The following GPR137 variants were observed in gnomAD, a reference collection of about 807,000 sequenced individuals.
The protein encoded by GPR137 is G protein-coupled receptor 137.
In GPR137, 20 loss-of-function variants were observed where a neutral mutation model predicts 38.9. The observed-to-expected ratio is 0.51, with a 90% CI of 0.36 to 0.75. The LOEUF (loss-of-function observed/expected upper bound fraction) is 0.75. GPR137 is among the 30% of genes least tolerant of loss of function. The pLI, the probability that GPR137 is intolerant of heterozygous loss-of-function variation, is 0.00. For missense variants in GPR137, 456 were observed against 526.4 expected, an observed-to-expected ratio of 0.87 and a Z score of 1.31; for synonymous variants, 226 against 235.8, an observed-to-expected ratio of 0.96 and a Z score of 0.38.
chr11:64,284,684 C>T (rs1391360919), upstream of GPR137: 13 of 1,535,680 alleles, frequency 8.5e-6, no homozygotes, highest in Non-Finnish European at 1.1e-5. Flanking sequence ...CCTCCAGCAC[C>T]CCGGGCTCCG....
At chr11:64,284,419 CA>C (rs771524361), upstream of GPR137, 17 of 1,608,792 alleles carry the variant, frequency 1.1e-5, no homozygotes, top group East Asian at 3.6e-4. Flanking sequence ...CAGCTGGGGC[CA>C]ACGGTGGCCC....
At chr11:64,270,680 AG>A (rs1266179209) in intron 1 of GPR137, 1 of 548,586 alleles carries the variant, frequency 1.8e-6, no homozygotes, top group East Asian at 4.5e-5. Context: ...CTGTAATCCC[AG>A]CACTTTGGGA....
Position 64,288,072 on chromosome 11 carries a change from G to A in GPR137, c.641G>A (p.Ser214Asn). The stretch of plus-strand genomic sequence containing the variant: ...TGTTGTTACCTGTGCCAGGGGACCA[G>A]TGTGTGCCAGGCGGCCGCGATGGGT... ...TSIYLEAKGT[S>N]VCQAAAMGGA... Residue 214 changes from serine (S) to asparagine (N), a missense_variant, in exon 4 of 7, where the codon AGT becomes AAT. Transcript: ENST00000438980. The surrounding 1 kb of genome is among the most constrained non-coding windows in gnomAD (Gnocchi z 5.5). 6.2e-7 allele frequency: 1 copy of A among 1,610,580 alleles called. No homozygotes were observed. Among genetic ancestry groups the A allele is most frequent in the Non-Finnish European group, 8.5e-7 (1 of 1,179,950 alleles).
chr11:64,271,853 A>G, upstream of GPR137: 1 of 1,319,418 alleles, frequency 7.6e-7, no homozygotes, highest in Non-Finnish European at 9.7e-7. Flanking sequence ...AGCTCCTCTA[A>G]GCCCCTGGCC....
At chr11:64,271,764 T>TTTTA, upstream of GPR137, 1 of 1,397,456 alleles carries the variant, frequency 7.2e-7, no homozygotes, top group Non-Finnish European at 9.3e-7. Context: ...CCCCGCGGGG[T>TTTTA]AGGAGCTGTG....
chr11:64,288,756 C>CAA lies in GPR137; in HGVS notation c.1031+35_1031+36insAA. On this transcript the variant is annotated intron_variant, in intron 6 of 6. Transcript: ENST00000438980. The surrounding 1 kb of genome is among the most constrained non-coding windows in gnomAD (Gnocchi z 5.5). ...GTGGCACTGCCTCAGTACCCCTGCC[C>CAA]TACCCGCCCACCCCGCTGGCTCCAT... The CAA allele has an allele frequency of 1.3e-6, 2 of 1,492,710 alleles. No individual in the cohort carries two copies. Among genetic ancestry groups the CAA allele is most frequent in the Non-Finnish European group, 1.8e-6 (2 of 1,117,412 alleles). 92.5% of individuals were successfully genotyped at this position (1,492,710 alleles called of 1,614,324 possible). A position where few individuals can be genotyped will look rare whatever the true frequency, so the allele number is the denominator to read the frequency against.
intron 1 of GPR137, chr11:64,275,860 C>T (rs1007000881): frequency 2.6e-5 from 4 of 152,010 alleles, no homozygotes; most frequent in Non-Finnish European, 5.9e-5. Flanking sequence ...TGGTCGGAAG[C>T]CCTCCCTGTG....
At chr11:64,287,583 C>T in intron 2 of GPR137, 138 bp from the exon 3 acceptor site, 4 of 1,470,256 alleles carry the variant, frequency 2.7e-6, no homozygotes, top group Non-Finnish European at 3.6e-6. Flanking sequence ...TCAGTTTCTC[C>T]ATCTGTAAGA....
At chr11:64,276,578 C>T (rs918783441) in intron 2 of GPR137, among the ~76,000 whole-genome samples, 5 of 152,294 alleles carry the variant, frequency 3.3e-5, no homozygotes, top group African/African-American at 9.6e-5. Flanking sequence ...CCAAGTGCCT[C>T]GGCCCCCCAA....
chr11:64,283,560 G>A (rs1480753879), upstream of GPR137, among the ~76,000 whole-genome samples: 1 of 152,252 alleles, frequency 6.6e-6, no homozygotes, highest in Middle Eastern at 3.2e-3. Flanking sequence ...CACTGTGCCA[G>A]GACAGTCCTG....
Position 64,286,292 on chromosome 11 carries a change from A to C in GPR137, c.-233A>C. On this transcript the variant is annotated 5_prime_UTR_variant, in exon 1 of 7. Coordinates refer to ENST00000438980, the MANE Select transcript of GPR137 (RefSeq NM_001170880.2). ...ATCCGGTCTGTCCTGGAGAAAAGAG[A>C]CTGCCCTTCCATGCCCCTGAGTGAG... The C allele has an allele frequency of 7.2e-7, 1 of 1,392,958 alleles. No homozygotes were observed. Among genetic ancestry groups the C allele is most frequent in the Non-Finnish European group, 9.3e-7 (1 of 1,078,438 alleles). The allele number at this position is 1,392,958 out of a possible 1,614,324, so 86.3% of individuals were successfully genotyped here.
chr11:64,284,291 G>A, upstream of GPR137: 1 of 1,612,010 alleles, frequency 6.2e-7, no homozygotes, highest in Non-Finnish European at 8.5e-7. Flanking sequence ...CGTCCCCTGC[G>A]GGGCTGGGGC....
At chr11:64,284,368 T>C, upstream of GPR137, 2 of 1,612,830 alleles carry the variant, frequency 1.2e-6, no homozygotes, top group South Asian at 1.1e-5. Flanking sequence ...ATCTGGAACA[T>C]GCTCTGGGCT....
upstream of GPR137, chr11:64,271,990 G>T: frequency 2.4e-6 from 1 of 423,688 alleles, no homozygotes; most frequent in Non-Finnish European, 4.0e-6. Context: ...GGCCTTTGGT[G>T]AAGATTTAGG....
upstream of GPR137, among the ~76,000 whole-genome samples, chr11:64,279,788 C>T (rs917709686): frequency 2.6e-5 from 4 of 151,652 alleles, no homozygotes; most frequent in African/African-American, 9.7e-5. Context: ...AAAAAAATCC[C>T]CCTCTATCCC....
chr11:64,282,651 G>A (rs993974678), upstream of GPR137, among the ~76,000 whole-genome samples: 7 of 152,110 alleles, frequency 4.6e-5, no homozygotes, highest in African/African-American at 1.2e-4. Context: ...AGGCTGAGGC[G>A]GGTGGATTAC....
At chr11:64,271,439 G>A (rs2032597245), upstream of GPR137, among the ~76,000 whole-genome samples, 1 of 151,850 alleles carries the variant, frequency 6.6e-6, no homozygotes, top group Non-Finnish European at 1.5e-5. Flanking sequence ...GTGGGGGCGG[G>A]GAAGTCTTGT....
At chr11:64,271,540 G>T, upstream of GPR137, 2 of 1,334,550 alleles carry the variant, frequency 1.5e-6, no homozygotes, top group Non-Finnish European at 1.9e-6. Flanking sequence ...CGTGCCTTGG[G>T]ACAAGGCAGG....
Position 64,286,191 on chromosome 11 carries a change from G to C in GPR137, c.-334G>C. The C allele has an allele frequency of 3.6e-6, 4 of 1,102,272 alleles. No homozygotes were observed. The highest frequency in any genetic ancestry group is 4.4e-6 in the Non-Finnish European group (4 of 904,078). 68.3% of individuals were successfully genotyped at this position (1,102,272 alleles called of 1,614,324 possible). On this transcript the variant is annotated 5_prime_UTR_variant, in exon 1 of 7. Coordinates refer to ENST00000438980, the MANE Select transcript of GPR137 (RefSeq NM_001170880.2). ...CGACATGAACGACCGAGGCCAGGGAGTCCTCTCCTTGGGCCTCTGCATCCC... is the reference window on the plus strand; with the variant it reads ...CGACATGAACGACCGAGGCCAGGGACTCCTCTCCTTGGGCCTCTGCATCCC...
Sources: allele counts gnomAD v4.1 joint callset (sites outside exome capture counted in the v4.1 genomes callset), GRCh38; gene constraint gnomAD v4.1.1; non-coding constraint Gnocchi (gnomAD v3.1); transcripts MANE v1.5; gene names NCBI Gene and HGNC (gene_info 2026-07-23, HGNC 2026-07-21).